The following DEPDC4 variants were observed in gnomAD, a reference collection of about 807,000 sequenced individuals.
DEPDC4 encodes DEP domain containing 4.
Under a neutral mutation model 52.0 loss-of-function variants are expected in DEPDC4, and 52 were observed. The ratio of observed to expected loss-of-function variants is 1.00; its 90% CI spans 0.80 to 1.26. The LOEUF (loss-of-function observed/expected upper bound fraction) is 1.26, where lower values mean the gene tolerates loss of function less well. Among genes scored for constraint, DEPDC4 ranks in the 50% most tolerant of loss-of-function variants. The pLI is 0.00. For missense variants in DEPDC4, 530 were observed against 546.9 expected, an observed-to-expected ratio of 0.97 and a Z score of 0.31; for synonymous variants, 201 against 196.8, an observed-to-expected ratio of 1.02 and a Z score of -0.18.
chr12:100,238,443 A>G (rs2096146198), downstream of DEPDC4, among the ~76,000 whole-genome samples: 1 of 146,340 alleles, frequency 6.8e-6, no homozygotes, highest in Non-Finnish European at 1.5e-5. Flanking sequence ...TACAGGTGTG[A>G]GCCACCACAC....
Position 100,253,704 on chromosome 12 carries a change from C to T in DEPDC4, c.890G>A (p.Trp297Ter), listed in dbSNP as rs1277423725. The T allele has an allele frequency of 7.8e-7, 1 of 1,288,218 alleles. No homozygotes were observed. The highest frequency in any genetic ancestry group is 5.6e-5 in the East Asian group (1 of 18,008). The allele number at this position is 1,288,218 out of a possible 1,614,324, so 79.8% of individuals were successfully genotyped here. A position where few individuals can be genotyped will look rare whatever the true frequency, so the allele number is the denominator to read the frequency against. ...CAAGCATTCAATTGCTGCATTAAGC[C>T]AGTTATCGATTCTAGAGGGAAAATG... ...PSLCLPEIDN[W>*]LNAAIECLEY... Residue 297 changes from tryptophan to a stop codon, truncating the protein, a stop_gained, in exon 5 of 10, where the codon TGG (tryptophan) becomes TAG (stop). Transcript: ENST00000550587. LOFTEE classifies it high-confidence loss of function.
intron 2 of DEPDC4, 58 bp from the exon 3 acceptor site, chr12:100,262,467 T>C (rs1050614176): frequency 3.0e-6 from 4 of 1,316,432 alleles, no homozygotes; most frequent in Non-Finnish European, 4.0e-6. Flanking sequence ...ATTTCAAATA[T>C]ATATTTAAAT....
chr12:100,252,627 A>G, intron 5 of DEPDC4, 91 bp from the exon 6 acceptor site: 1 of 1,269,636 alleles, frequency 7.9e-7, no homozygotes, highest in Non-Finnish European at 1.1e-6. Flanking sequence ...AAATGCTACA[A>G]TGTTGTATTA....
At chr12:100,273,546 C>T in the DEPDC4 span, among the ~76,000 whole-genome samples, 1 of 152,268 alleles carries the variant, frequency 6.6e-6, no homozygotes, top group South Asian at 2.1e-4. Flanking sequence ...AAATGAATTT[C>T]CATGCCTGTT....
the DEPDC4 span, among the ~76,000 whole-genome samples, chr12:100,281,740 AG>A: frequency 6.6e-6 from 1 of 151,598 alleles, no homozygotes; most frequent in Non-Finnish European, 1.5e-5. Context: ...AGGCTGAGGC[AG>A]GAGAATGGCG....
At chr12:100,243,888 T>C (rs1268560618) in intron 8 of DEPDC4, among the ~76,000 whole-genome samples, 1 of 151,788 alleles carries the variant, frequency 6.6e-6, no homozygotes, top group African/African-American at 2.4e-5. Context: ...GTTCTGATCT[T>C]CCAATACATG....
At chr12:100,250,638 T>G (rs1393566462) in intron 7 of DEPDC4, among the ~76,000 whole-genome samples, 1 of 152,100 alleles carries the variant, frequency 6.6e-6, no homozygotes. Flanking sequence ...GATTCATTTA[T>G]GTAGAGGAGG....
chr12:100,264,466 G>A (rs901757273), intron 1 of DEPDC4, among the ~76,000 whole-genome samples: 3 of 152,130 alleles, frequency 2.0e-5, no homozygotes, highest in Admixed American at 1.3e-4. Context: ...ATCACCTGAG[G>A]TCAGGAGTTT....
At chr12:100,268,267 C>G (rs376559887), upstream of DEPDC4, among the ~76,000 whole-genome samples, 1 of 152,142 alleles carries the variant, frequency 6.6e-6, no homozygotes, top group African/African-American at 2.4e-5. Context: ...TTCTAAGTAG[C>G]CTATCTCCGT....
chr12:100,273,564 A>G, the DEPDC4 span, among the ~76,000 whole-genome samples: 3 of 152,332 alleles, frequency 2.0e-5, no homozygotes, highest in East Asian at 1.9e-4. Context: ...GTTCTTTGCC[A>G]TACGTACATC....
intron 3 of DEPDC4, among the ~76,000 whole-genome samples, chr12:100,258,290 A>C (rs1033709925): frequency 4.6e-5 from 7 of 152,174 alleles, no homozygotes; most frequent in Admixed American, 4.6e-4. Context: ...TAGTAGGTAA[A>C]ACAAAAAAAT....
the DEPDC4 span, among the ~76,000 whole-genome samples, chr12:100,276,414 C>A: frequency 6.6e-6 from 1 of 152,126 alleles, no homozygotes; most frequent in East Asian, 1.9e-4. Flanking sequence ...CTCACTGCAG[C>A]CTTGATCTCC....
chr12:100,241,092 T>A lies in DEPDC4; in HGVS notation c.*800A>T, dbSNP rs1030529339. 6.6e-6 allele frequency among the ~76,000 whole-genome samples: 1 copy of A among 152,100 alleles called. No homozygotes were observed. The highest frequency in any genetic ancestry group is 1.5e-5 in the Non-Finnish European group (1 of 67,998). ...CAAAACAAAACAACTACTTTATGCA[T>A]CTTTCCCTATTTCAATGATTCACAG... is the stretch of plus-strand genomic sequence containing the variant. On this transcript the variant is annotated 3_prime_UTR_variant, in exon 10 of 10. Coordinates refer to ENST00000550587, the MANE Select transcript of DEPDC4 (RefSeq NM_001364818.2).
chr12:100,248,923 C>A lies in DEPDC4; in HGVS notation c.1430G>T (p.Gly477Val). 6 of 985,566 alleles carry A rather than the reference C, an allele frequency of 6.1e-6. No individual in the cohort carries two copies. The highest frequency in any genetic ancestry group is 7.2e-6 in the Non-Finnish European group (6 of 829,666). 61.1% of individuals were successfully genotyped at this position (985,566 alleles called of 1,614,324 possible). ...VSKKLKKLLHGEDADAISGMA... is the reference protein window; with the variant it reads ...VSKKLKKLLHVEDADAISGMA... The stretch of plus-strand genomic sequence containing the variant: ...ACCTGATATGGCATCTGCATCTTCT[C>A]CATGTAGAAGCTTCTTAAGTTTCTT... The change falls in exon 8 of 10, where the codon GGA becomes GTA. Residue 477 changes from glycine to valine, a missense_variant. By Grantham distance (109) the Gly-to-Val change is moderately radical (BLOSUM62 -3). Transcript: ENST00000550587.
In DEPDC4 at chr12:100,263,865, C is replaced by T. The variant is rs1319187673; in HGVS notation, c.186G>A (p.Gln62=). Residue 62 remains glutamine (Q), a synonymous_variant, in exon 2 of 10, where the codon CAG becomes CAA. Coordinates refer to ENST00000550587, the MANE Select transcript of DEPDC4 (RefSeq NM_001364818.2). The part of the protein sequence containing the change: ...TGCSGPFQAT[Q]LWDGIIHSLQ... ...GAGAGTGAATAATACCATCCCATAG[C>T]TGAGTAGCTTGAAAAGGACCAGAGC... The T allele has an allele frequency of 6.2e-7, 1 of 1,610,374 alleles. No individual in the cohort carries two copies. The highest frequency in any genetic ancestry group is 8.5e-7 in the Non-Finnish European group (1 of 1,178,104).
chr12:100,268,495 C>G (rs2096282683), upstream of DEPDC4, among the ~76,000 whole-genome samples: 1 of 152,004 alleles, frequency 6.6e-6, no homozygotes, highest in South Asian at 2.1e-4. Context: ...CTTCTTGAGG[C>G]AACATTAAAC....
At chr12:100,266,252 A>C (rs1193036530) in intron 1 of DEPDC4, among the ~76,000 whole-genome samples, 1 of 152,192 alleles carries the variant, frequency 6.6e-6, no homozygotes, top group Non-Finnish European at 1.5e-5. Context: ...GTTTACGATA[A>C]AATGACAGAA....
At chr12:100,256,622 T>C (rs973498579) in intron 3 of DEPDC4, among the ~76,000 whole-genome samples, 11 of 147,910 alleles carry the variant, frequency 7.4e-5, no homozygotes, top group African/African-American at 2.2e-4. Context: ...CATTGTTTTT[T>C]GTTTGTTTGT....
chr12:100,263,264 A>G (rs2096260156), intron 2 of DEPDC4, among the ~76,000 whole-genome samples: 1 of 152,218 alleles, frequency 6.6e-6, no homozygotes, highest in Admixed American at 6.5e-5. Context: ...TTTAAAGTGT[A>G]TAACTCAGTG....
Sources: gnomAD v4.1 joint callset for allele counts (sites outside exome capture counted in the v4.1 genomes callset) on GRCh38, gnomAD v4.1.1 for gene constraint, MANE v1.5 for transcripts, NCBI Gene and HGNC (gene_info 2026-07-23, HGNC 2026-07-21) for gene names.